The following RBBP8 variants were observed in gnomAD, a reference collection of about 807,000 sequenced individuals.
RBBP8 encodes DNA endonuclease RBBP8.
RBBP8 carries 88 observed loss-of-function variants against 108.3 expected under a neutral mutation model. That is an observed-to-expected ratio of 0.81 (90% CI 0.68 to 0.97). The LOEUF is 0.97. RBBP8 is among the 50% of genes least tolerant of loss of function. RBBP8 has a pLI of 0.00. For missense variants in RBBP8, 1,023 were observed against 1,049.0 expected, an observed-to-expected ratio of 0.98 and a Z score of 0.34; for synonymous variants, 332 against 348.2, an observed-to-expected ratio of 0.95 and a Z score of 0.52.
chr18:23,015,896 C>CTTGTTT (rs950265632), intron 16 of RBBP8, among the ~76,000 whole-genome samples: 9 of 152,012 alleles, frequency 5.9e-5, no homozygotes, highest in African/African-American at 1.4e-4. Flanking sequence ...TTGCCGCCAG[C>CTTGTTT]TTGTTTTTGT....
intron 3 of RBBP8, among the ~76,000 whole-genome samples, chr18:22,925,186 C>T (rs934032519): frequency 2.0e-5 from 3 of 152,090 alleles, no homozygotes; most frequent in Admixed American, 1.3e-4. Context: ...CTATCTATTT[C>T]AATTTTAGTA....
At chr18:22,992,520 G>T (rs773485742) in intron 10 of RBBP8, among the ~76,000 whole-genome samples, 1 of 152,142 alleles carries the variant, frequency 6.6e-6, no homozygotes. Flanking sequence ...GTATAATAAA[G>T]TTATTTAAAG....
intron 2 of RBBP8, among the ~76,000 whole-genome samples, chr18:22,938,834 A>C (rs1910804977): frequency 6.6e-6 from 1 of 152,238 alleles, no homozygotes. Flanking sequence ...ACTTACCTTC[A>C]GACAGCCTGC....
intron 16 of RBBP8, among the ~76,000 whole-genome samples, chr18:23,007,527 A>G (rs1598737876): frequency 6.7e-6 from 1 of 150,368 alleles, no homozygotes; most frequent in African/African-American, 2.4e-5. Flanking sequence ...ACATGGTGAA[A>G]CCCCGTCTCT....
intron 5 of RBBP8, among the ~76,000 whole-genome samples, chr18:22,973,644 T>C (rs1208892093): frequency 1.3e-5 from 2 of 152,202 alleles, no homozygotes; most frequent in East Asian, 1.9e-4. Flanking sequence ...CATTCATCTA[T>C]AAAAAATGAT....
At chr18:22,954,184 G>A (rs981845330) in intron 4 of RBBP8, among the ~76,000 whole-genome samples, 9 of 152,050 alleles carry the variant, frequency 5.9e-5, no homozygotes, top group Non-Finnish European at 8.8e-5. Flanking sequence ...CTTCCCCACA[G>A]TCGCCTAGAA....
At chr18:22,929,571 A>G, upstream of RBBP8, 1 of 148,516 alleles carries the variant, frequency 6.7e-6, no homozygotes, top group South Asian at 2.2e-4. Flanking sequence ...TGTTTAAGAG[A>G]CAGGTTCTGG....
chr18:22,958,633 C>T (rs1912799783), intron 4 of RBBP8, among the ~76,000 whole-genome samples: 1 of 152,156 alleles, frequency 6.6e-6, no homozygotes, highest in Non-Finnish European at 1.5e-5. Flanking sequence ...TCAGCATCTA[C>T]CTCCCAGGCC....
At chr18:22,916,436 A>T (rs1168369773) in intron 2 of RBBP8, among the ~76,000 whole-genome samples, 1 of 152,066 alleles carries the variant, frequency 6.6e-6, no homozygotes, top group Non-Finnish European at 1.5e-5. Flanking sequence ...CTAAGGGTAG[A>T]TCTGGGGCCA....
At position 22,990,922 on chromosome 18, in the gene RBBP8, A is replaced by G. The variant is rs1567981944; in HGVS notation, c.808-15A>G. The G allele has an allele frequency of 2.5e-6, 4 of 1,570,704 alleles. No individual in the cohort carries two copies. The South Asian group carries it at 4.4e-5, about 17-fold the overall frequency. On this transcript the variant is annotated splice_polypyrimidine_tract_variant and intron_variant, in intron 9 of 18. Transcript: ENST00000327155. The stretch of plus-strand genomic sequence containing the variant: ...ATCCCATTACATGGATGTGCTTCAT[A>G]TTTTACTCTTGAAGGAAACTCAAGG...
At chr18:22,947,143 G>A (rs1438394395) in intron 3 of RBBP8, among the ~76,000 whole-genome samples, 1 of 151,866 alleles carries the variant, frequency 6.6e-6, no homozygotes, top group Non-Finnish European at 1.5e-5. Flanking sequence ...AGAAATTCTG[G>A]AATATAGACT....
intron 3 of RBBP8, among the ~76,000 whole-genome samples, chr18:22,947,326 A>G (rs1400892253): frequency 6.6e-6 from 1 of 151,984 alleles, no homozygotes; most frequent in Non-Finnish European, 1.5e-5. Flanking sequence ...TGTTTTGTCC[A>G]TTTTATTCAT....
At chr18:22,941,424 G>A (rs764017636) in intron 2 of RBBP8, among the ~76,000 whole-genome samples, 9 of 151,930 alleles carry the variant, frequency 5.9e-5, no homozygotes, top group Admixed American at 2.6e-4. Context: ...CGCCCATCTC[G>A]GCCTCCCAAA....
At chr18:22,980,207 C>G (rs1914804146) in intron 6 of RBBP8, among the ~76,000 whole-genome samples, 1 of 152,048 alleles carries the variant, frequency 6.6e-6, no homozygotes, top group Non-Finnish European at 1.5e-5. Flanking sequence ...GATTGGACCA[C>G]TGCACTCCAG....
chr18:22,990,613 T>C (rs2144690900), intron 9 of RBBP8, among the ~76,000 whole-genome samples: 1 of 152,350 alleles, frequency 6.6e-6, no homozygotes, highest in East Asian at 1.9e-4. Flanking sequence ...ATTATGCAGC[T>C]ATCACTTCTA....
chr18:22,985,020 G>A (rs1450094817), intron 8 of RBBP8, 30 bp downstream of exon 8: 7 of 1,608,026 alleles, frequency 4.4e-6, no homozygotes, highest in Non-Finnish European at 3.4e-6. Context: ...TACTTTACAA[G>A]TTTAAAATTG....
At chr18:22,993,876 T>G (rs1353644801) in intron 12 of RBBP8, 29 bp downstream of exon 12, 1 of 1,599,988 alleles carries the variant, frequency 6.3e-7, no homozygotes, top group Non-Finnish European at 8.6e-7. Context: ...GGATCTCCAC[T>G]TTTTTAATGA....
intron 5 of RBBP8, among the ~76,000 whole-genome samples, chr18:22,972,776 G>C (rs144354569): frequency 1.1e-3 from 175 of 152,214 alleles, no homozygotes; most frequent in African/African-American, 3.9e-3. Context: ...TTTCATTTCT[G>C]TATAGTTTTG....
intron 16 of RBBP8, among the ~76,000 whole-genome samples, chr18:23,011,120 A>G (rs1255922026): frequency 6.6e-6 from 1 of 152,168 alleles, no homozygotes; most frequent in East Asian, 1.9e-4. Context: ...AAAAGGACTT[A>G]TACTTAGAGT....
Sources: allele counts gnomAD v4.1 joint callset (sites outside exome capture counted in the v4.1 genomes callset), GRCh38; gene constraint gnomAD v4.1.1; transcripts MANE v1.5; gene names NCBI Gene and HGNC (gene_info 2026-07-23, HGNC 2026-07-21).